FAM240B: variants seen among roughly 807,000 people sequenced by gnomAD.
The protein encoded by FAM240B is family with sequence similarity 240 member B.
intron 1 of FAM240B, among the ~76,000 whole-genome samples, chr9:38,711,482 G>A (rs1821254431): frequency 6.6e-6 from 1 of 152,186 alleles, no homozygotes; most frequent in African/African-American, 2.4e-5. Flanking sequence ...AGGCCCCACT[G>A]GACAGAGGGC....
intron 2 of FAM240B, among the ~76,000 whole-genome samples, chr9:38,696,763 G>A (rs1043107159): frequency 2.0e-5 from 3 of 152,108 alleles, no homozygotes; most frequent in Non-Finnish European, 2.9e-5. Context: ...GCAGTGAGCC[G>A]AGATCGCACC....
intron 2 of FAM240B, among the ~76,000 whole-genome samples, chr9:38,701,184 G>A (rs1055398167): frequency 1.3e-5 from 2 of 152,174 alleles, no homozygotes; most frequent in African/African-American, 2.4e-5. Flanking sequence ...TACATTGGAA[G>A]GTGGGCATTT....
At chr9:38,698,325 C>G (rs899715201) in intron 2 of FAM240B, among the ~76,000 whole-genome samples, 6 of 152,156 alleles carry the variant, frequency 3.9e-5, no homozygotes, top group Non-Finnish European at 8.8e-5. Context: ...TTTACTTGTT[C>G]TATGATTTTT....
intron 1 of FAM240B, among the ~76,000 whole-genome samples, chr9:38,709,588 C>G (rs867625065): frequency 2.0e-5 from 3 of 152,112 alleles, no homozygotes; most frequent in African/African-American, 7.2e-5. Context: ...AGTGGAAAGG[C>G]GCTGCTTTCT....
intron 2 of FAM240B, among the ~76,000 whole-genome samples, chr9:38,699,217 G>A (rs1821096648): frequency 6.6e-6 from 1 of 152,156 alleles, no homozygotes; most frequent in African/African-American, 2.4e-5. Context: ...TAAGTCCGGG[G>A]CTTACCTAGA....
At chr9:38,717,248 T>G (rs1221867171) in intron 1 of FAM240B, among the ~76,000 whole-genome samples, 1 of 152,172 alleles carries the variant, frequency 6.6e-6, no homozygotes, top group African/African-American at 2.4e-5. Context: ...TGCCATCATT[T>G]ATTCAAAGAA....
chr9:38,697,067 G>T (rs1299196783), intron 2 of FAM240B, among the ~76,000 whole-genome samples: 5 of 152,138 alleles, frequency 3.3e-5, no homozygotes, highest in Non-Finnish European at 7.3e-5. Flanking sequence ...ATCTTTTAAA[G>T]CTCACTAATA....
intron 2 of FAM240B, among the ~76,000 whole-genome samples, 154 bp downstream of exon 2, chr9:38,703,703 C>T (rs1029306418): frequency 2.6e-5 from 4 of 152,198 alleles, no homozygotes; most frequent in African/African-American, 9.7e-5. Context: ...CGCATTTCCT[C>T]CTGTCACTGC....
chr9:38,704,111 T>A, intron 1 of FAM240B, 109 bp from the exon 2 acceptor site: 1 of 370,290 alleles, frequency 2.7e-6, no homozygotes. Flanking sequence ...ACACTTGTTT[T>A]TTTTTTTTTT....
intron 1 of FAM240B, among the ~76,000 whole-genome samples, chr9:38,707,688 G>A (rs1193209457): frequency 6.6e-6 from 1 of 151,428 alleles, no homozygotes; most frequent in Non-Finnish European, 1.5e-5. Context: ...CAGCTACTCA[G>A]GAGGCTGAGG....
At chr9:38,704,667 C>T (rs1345543370) in intron 1 of FAM240B, among the ~76,000 whole-genome samples, 2 of 152,212 alleles carry the variant, frequency 1.3e-5, no homozygotes, top group African/African-American at 4.8e-5. Flanking sequence ...AAATGGCCAA[C>T]ACCCAGTAAA....
chr9:38,702,050 C>T (rs1383688877), intron 2 of FAM240B, among the ~76,000 whole-genome samples: 1 of 152,030 alleles, frequency 6.6e-6, no homozygotes, highest in Admixed American at 6.6e-5. Context: ...GATCATATTG[C>T]AAGTTTTGCT....
At chr9:38,716,366 G>A (rs966055741) in intron 1 of FAM240B, among the ~76,000 whole-genome samples, 3 of 152,180 alleles carry the variant, frequency 2.0e-5, no homozygotes, top group Non-Finnish European at 2.9e-5. Flanking sequence ...CAGCTACTCG[G>A]GAGGCTGAGG....
At chr9:38,704,061 A>C in intron 1 of FAM240B, 59 bp from the exon 2 acceptor site, 2 of 371,898 alleles carry the variant, frequency 5.4e-6, no homozygotes, top group Non-Finnish European at 9.6e-6. Context: ...CTAGGTTTGG[A>C]GTGATAGAAA....
In FAM240B at chr9:38,694,597, T is replaced by C; in HGVS notation, c.*179A>G. On this transcript the variant is annotated 3_prime_UTR_variant, in exon 3 of 3. Coordinates refer to ENST00000637493, the MANE Select transcript of FAM240B (RefSeq NM_001394922.1). Reference sequence around the variant, plus strand: ...CATCCTGTCCTCTGTGCGGAGGGGATTGAGCAGGATAATAACTCCCATTAG... The same window carrying C: ...CATCCTGTCCTCTGTGCGGAGGGGACTGAGCAGGATAATAACTCCCATTAG... The C allele has an allele frequency of 2.6e-6, 1 of 391,510 alleles. No individual in the cohort carries two copies. Among genetic ancestry groups the C allele is most frequent in the Non-Finnish European group, 4.5e-6 (1 of 222,190 alleles). The allele number at this position is 391,510 out of a possible 1,614,324, so 24.3% of individuals were successfully genotyped here. A position where few individuals can be genotyped will look rare whatever the true frequency, so the allele number is the denominator to read the frequency against.
intron 1 of FAM240B, among the ~76,000 whole-genome samples, chr9:38,709,934 G>A (rs1564001115): frequency 6.6e-6 from 1 of 152,200 alleles, no homozygotes; most frequent in South Asian, 2.1e-4. Flanking sequence ...AGATGGAAGA[G>A]AAGAGACTTT....
chr9:38,719,454 T>C (rs1821347344), intron 1 of FAM240B, among the ~76,000 whole-genome samples: 1 of 152,236 alleles, frequency 6.6e-6, no homozygotes, highest in South Asian at 2.1e-4. Flanking sequence ...TAACATTTAT[T>C]GAAGCTTGAC....
intron 1 of FAM240B, among the ~76,000 whole-genome samples, chr9:38,711,576 G>T (rs1050644717): frequency 5.3e-5 from 8 of 151,958 alleles, no homozygotes; most frequent in Non-Finnish European, 8.8e-5. Context: ...TAGTTTCTTG[G>T]CTTAACACCT....
In FAM240B at chr9:38,712,160, A is replaced by G. The variant is rs115747899; in HGVS notation, c.-4+7862T>C. Among the ~76,000 whole-genome samples, 1,094 of 152,262 alleles carry G rather than the reference A, an allele frequency of 7.2e-3. 18 individuals are homozygous for G. The highest frequency in any genetic ancestry group is 0.025 in the African/African-American group (1,050 of 41,554). On this transcript the variant is annotated intron_variant, in intron 1 of 2. Transcript: ENST00000637493. ...GAGTTTTAACTAAAAAAGGACTTAC[A>G]TAGGAGAAAAAAGCTTATACTGGAC...
Sources: allele counts gnomAD v4.1 joint callset (sites outside exome capture counted in the v4.1 genomes callset), GRCh38; gene constraint gnomAD v4.1.1; transcripts MANE v1.5; gene names NCBI Gene and HGNC (gene_info 2026-07-23, HGNC 2026-07-21).